Variants in SLC25A21 observed in about 807,000 individuals in gnomAD.
The protein encoded by SLC25A21 is solute carrier family 25 member 21, also known as mitochondrial 2-oxodicarboxylate carrier.
SLC25A21 carries 47 observed loss-of-function variants against 43.8 expected under a neutral mutation model. The ratio of observed to expected loss-of-function variants is 1.07; its 90% CI spans 0.85 to 1.37. The LOEUF is 1.37. Ranked by LOEUF, SLC25A21 falls within the 40% of genes most tolerant of loss-of-function variation. The pLI, the probability that SLC25A21 is intolerant of heterozygous loss-of-function variation, is 0.00. For missense variants in SLC25A21, 352 were observed against 350.2 expected, an observed-to-expected ratio of 1.00 and a Z score of -0.04; for synonymous variants, 131 against 121.3, an observed-to-expected ratio of 1.08 and a Z score of -0.52.
At chr14:37,093,020 G>A (rs2138853445) in intron 1 of SLC25A21, among the ~76,000 whole-genome samples, 1 of 152,044 alleles carries the variant, frequency 6.6e-6, no homozygotes, top group East Asian at 1.9e-4. Flanking sequence ...TATCATGACT[G>A]ATGTATATAT....
At chr14:36,806,746 C>A (rs2138430239) in intron 3 of SLC25A21, 1 of 152,286 alleles carries the variant, frequency 6.6e-6, no homozygotes, top group East Asian at 1.9e-4. Context: ...GATAAATTTG[C>A]TATAGTTTAT....
At chr14:36,756,897 C>T (rs1264053449) in intron 3 of SLC25A21, among the ~76,000 whole-genome samples, 3 of 152,262 alleles carry the variant, frequency 2.0e-5, no homozygotes, top group Admixed American at 2.0e-4. Flanking sequence ...CAAACATTCT[C>T]TGCTGTAGAA....
chr14:37,041,495 GA>G (rs149453038), intron 1 of SLC25A21, among the ~76,000 whole-genome samples: 19 of 148,806 alleles, frequency 1.3e-4, no homozygotes, highest in African/African-American at 2.7e-4. Flanking sequence ...TCTCTAAAAA[GA>G]AAAAAAAAAT....
At chr14:36,846,934 A>G (rs1889563261) in intron 2 of SLC25A21, among the ~76,000 whole-genome samples, 1 of 152,266 alleles carries the variant, frequency 6.6e-6, no homozygotes, top group African/African-American at 2.4e-5. Flanking sequence ...TTCCAAAACT[A>G]TGATTTTCTC....
At chr14:37,052,998 C>T (rs9919903) in intron 1 of SLC25A21, among the ~76,000 whole-genome samples, 67,355 of 151,972 alleles carry the variant, frequency 0.44, 17,173 homozygotes, top group African/African-American at 0.71. Context: ...TTTCAATATA[C>T]GATTTTTGAC....
At chr14:37,147,650 A>T (rs77668316) in intron 1 of SLC25A21, among the ~76,000 whole-genome samples, 2,982 of 34,912 alleles carry the variant, frequency 0.085, 215 homozygotes, top group East Asian at 0.46. Flanking sequence ...TTTTTTTTTT[A>T]AAAAAAAGGA....
intron 1 of SLC25A21, among the ~76,000 whole-genome samples, chr14:36,888,221 T>A (rs1268330834): frequency 6.6e-6 from 1 of 152,168 alleles, no homozygotes; most frequent in Non-Finnish European, 1.5e-5. Flanking sequence ...GGGTCATTTT[T>A]AAAAATCTCC....
chr14:36,771,251 T>C (rs1268443138), intron 3 of SLC25A21, among the ~76,000 whole-genome samples: 1 of 152,176 alleles, frequency 6.6e-6, no homozygotes, highest in Non-Finnish European at 1.5e-5. Flanking sequence ...TCAAGTACTG[T>C]ATGAGTCTTA....
chr14:37,139,407 G>T (rs1963534922), intron 1 of SLC25A21, among the ~76,000 whole-genome samples: 1 of 152,018 alleles, frequency 6.6e-6, no homozygotes, highest in Non-Finnish European at 1.5e-5. Context: ...ACAAGAGTAA[G>T]AGATATATTT....
At chr14:36,697,994 G>A (rs1240437051) in intron 7 of SLC25A21, among the ~76,000 whole-genome samples, 1 of 152,162 alleles carries the variant, frequency 6.6e-6, no homozygotes, top group African/African-American at 2.4e-5. Flanking sequence ...AATTGATGCA[G>A]TTTCTTCATA....
chr14:37,021,863 T>C (rs1046340710), intron 1 of SLC25A21, among the ~76,000 whole-genome samples: 2 of 151,968 alleles, frequency 1.3e-5, no homozygotes, highest in Admixed American at 6.6e-5. Context: ...ATTCTCACCA[T>C]AGGAGAACAT....
chr14:36,728,889 G>A (rs921857772), intron 5 of SLC25A21, among the ~76,000 whole-genome samples: 3 of 152,048 alleles, frequency 2.0e-5, no homozygotes, highest in Admixed American at 1.3e-4. Flanking sequence ...GAACCCATTT[G>A]GTCAATACAA....
intron 1 of SLC25A21, among the ~76,000 whole-genome samples, chr14:37,157,030 CCACAA>C (rs1268440820): frequency 2.0e-5 from 3 of 152,134 alleles, no homozygotes; most frequent in Admixed American, 6.5e-5. Flanking sequence ...ATATGTTACG[CCACAA>C]CACAAGTCAC....
At chr14:36,732,795 A>C (rs1429748622) in intron 4 of SLC25A21, among the ~76,000 whole-genome samples, 2 of 152,216 alleles carry the variant, frequency 1.3e-5, no homozygotes, top group Admixed American at 6.5e-5. Flanking sequence ...ATGTTTTCAT[A>C]AATTGTGTTG....
chr14:37,018,087 AAG>A (rs1440465415), intron 1 of SLC25A21, among the ~76,000 whole-genome samples: 2 of 152,062 alleles, frequency 1.3e-5, no homozygotes, highest in Non-Finnish European at 2.9e-5. Context: ...CTTAAAAAAA[AAG>A]TAAATCTGTA....
intron 3 of SLC25A21, among the ~76,000 whole-genome samples, chr14:36,750,714 T>TA (rs1334251787): frequency 6.6e-6 from 1 of 151,894 alleles, no homozygotes; most frequent in Non-Finnish European, 1.5e-5. Context: ...TTAAAAATAT[T>TA]AAAAAAACCA....
intron 2 of SLC25A21, among the ~76,000 whole-genome samples, chr14:36,864,493 C>T (rs183006295): frequency 7.4e-4 from 112 of 152,298 alleles, no homozygotes; most frequent in African/African-American, 2.3e-3. Flanking sequence ...CCACCCACTA[C>T]GCAGTACTTT....
intron 1 of SLC25A21, among the ~76,000 whole-genome samples, chr14:36,912,676 C>T (rs111434609): frequency 0.016 from 2,410 of 152,228 alleles, 61 homozygotes; most frequent in African/African-American, 0.054. Context: ...AAAGTTCTTT[C>T]ACGTGGGTAA....
intron 1 of SLC25A21, among the ~76,000 whole-genome samples, chr14:37,161,962 CAAAAAAAAA>C (rs36029964): frequency 5.3e-4 from 46 of 86,298 alleles, no homozygotes; most frequent in East Asian, 3.1e-3. Flanking sequence ...GACTCCGTCT[CAAAAAAAAA>C]AAAAAAAAAA....
Sources: allele counts gnomAD v4.1 joint callset (sites outside exome capture counted in the v4.1 genomes callset), GRCh38; gene constraint gnomAD v4.1.1; transcripts MANE v1.5; gene names NCBI Gene and HGNC (gene_info 2026-07-23, HGNC 2026-07-21).